Variants in LHFPL6 observed in about 807,000 individuals in gnomAD.
LHFPL6 encodes the protein LHFPL tetraspan subfamily member 6 protein.
Under a neutral mutation model 20.6 loss-of-function variants are expected in LHFPL6, and 9 were observed. That is an observed-to-expected ratio of 0.44 (90% CI 0.26 to 0.76). The LOEUF (loss-of-function observed/expected upper bound fraction) is 0.76. Ranked by LOEUF, LHFPL6 falls within the 30% of genes least tolerant of loss-of-function variation. The pLI is 0.20. For synonymous variants in LHFPL6, 105 were observed against 98.7 expected, an observed-to-expected ratio of 1.06 and a Z score of -0.38; for missense variants, 218 against 253.5, an observed-to-expected ratio of 0.86 and a Z score of 0.95.
chr13:39,558,088 C>A (rs1871362964), intron 2 of LHFPL6, among the ~76,000 whole-genome samples: 2 of 152,164 alleles, frequency 1.3e-5, no homozygotes, highest in African/African-American at 2.4e-5. Flanking sequence ...AACTACCCAG[C>A]CTTAGGCATT....
At chr13:39,516,444 T>A (rs545685298) in intron 2 of LHFPL6, among the ~76,000 whole-genome samples, 1 of 152,356 alleles carries the variant, frequency 6.6e-6, no homozygotes, top group African/African-American at 2.4e-5. Context: ...GCATCTGCCA[T>A]GCAGGAGATT....
intron 2 of LHFPL6, among the ~76,000 whole-genome samples, chr13:39,589,175 C>T (rs1872535359): frequency 6.6e-6 from 1 of 152,086 alleles, no homozygotes; most frequent in Non-Finnish European, 1.5e-5. Context: ...GGCGCCACCT[C>T]GGTTCACTGC....
At chr13:39,425,576 C>T (rs1057241986) in intron 2 of LHFPL6, among the ~76,000 whole-genome samples, 3 of 152,118 alleles carry the variant, frequency 2.0e-5, no homozygotes, top group Admixed American at 6.6e-5. Flanking sequence ...AATTCTAATA[C>T]GTGTGAAGTG....
intron 2 of LHFPL6, among the ~76,000 whole-genome samples, chr13:39,462,488 C>T (rs1405153594): frequency 6.6e-6 from 1 of 152,190 alleles, no homozygotes; most frequent in Admixed American, 6.5e-5. Flanking sequence ...TGTTTAAAGT[C>T]ATTTCCTTCT....
At chr13:39,504,481 A>G (rs1204297393) in intron 2 of LHFPL6, among the ~76,000 whole-genome samples, 1 of 152,108 alleles carries the variant, frequency 6.6e-6, no homozygotes, top group Non-Finnish European at 1.5e-5. Flanking sequence ...TTCTTTTCCC[A>G]CAGTTCTGGA....
chr13:39,371,953 G>A (rs1354213321), intron 3 of LHFPL6, among the ~76,000 whole-genome samples: 1 of 152,196 alleles, frequency 6.6e-6, no homozygotes. Context: ...AGTGCCAAAC[G>A]CTCTTACAAC....
At chr13:39,570,217 C>A (rs979317969) in intron 2 of LHFPL6, among the ~76,000 whole-genome samples, 5 of 152,196 alleles carry the variant, frequency 3.3e-5, no homozygotes, top group Non-Finnish European at 7.3e-5. Flanking sequence ...ACCATAGTCA[C>A]TGTAACCTGG....
intron 3 of LHFPL6, among the ~76,000 whole-genome samples, chr13:39,374,358 C>G (rs1420424632): frequency 6.6e-6 from 1 of 151,930 alleles, no homozygotes; most frequent in African/African-American, 2.4e-5. Flanking sequence ...ATGTGGCCAA[C>G]AATAGACACT....
chr13:39,515,295 C>T (rs555619788), intron 2 of LHFPL6, among the ~76,000 whole-genome samples: 1 of 152,338 alleles, frequency 6.6e-6, no homozygotes, highest in South Asian at 2.1e-4. Context: ...AGGTTTGCCA[C>T]TTTCCCATCA....
chr13:39,502,269 G>A (rs1301284473), intron 2 of LHFPL6, among the ~76,000 whole-genome samples: 1 of 152,170 alleles, frequency 6.6e-6, no homozygotes, highest in African/African-American at 2.4e-5. Context: ...CAAAAAATCA[G>A]TGATTCGCAA....
At chr13:39,518,474 T>C (rs1870000531) in intron 2 of LHFPL6, among the ~76,000 whole-genome samples, 1 of 152,262 alleles carries the variant, frequency 6.6e-6, no homozygotes, top group South Asian at 2.1e-4. Context: ...CTAGAGACTC[T>C]ATTTGAAATA....
chr13:39,533,508 C>A (rs1462769506), intron 2 of LHFPL6, among the ~76,000 whole-genome samples: 1 of 152,158 alleles, frequency 6.6e-6, no homozygotes, highest in Non-Finnish European at 1.5e-5. Flanking sequence ...ACCTCATTGA[C>A]CAGAACTTGG....
intron 2 of LHFPL6, among the ~76,000 whole-genome samples, chr13:39,595,615 C>T (rs189707132): frequency 1.1e-3 from 174 of 152,296 alleles, no homozygotes; most frequent in African/African-American, 3.9e-3. Context: ...TCATTCCTTC[C>T]TGGCTGGCAA....
At chr13:39,404,330 G>C (rs1235906778) in intron 2 of LHFPL6, among the ~76,000 whole-genome samples, 2 of 152,128 alleles carry the variant, frequency 1.3e-5, no homozygotes, top group Non-Finnish European at 2.9e-5. Context: ...CAACAAGCAA[G>C]CCTTCTTTCA....
chr13:39,462,927 A>C (rs1014307716), intron 2 of LHFPL6, among the ~76,000 whole-genome samples: 1 of 152,218 alleles, frequency 6.6e-6, no homozygotes, highest in African/African-American at 2.4e-5. Flanking sequence ...TAGTCAAACC[A>C]GGCTGTAATC....
intron 2 of LHFPL6, among the ~76,000 whole-genome samples, chr13:39,562,754 C>T (rs976877590): frequency 2.7e-5 from 4 of 149,668 alleles, no homozygotes; most frequent in Admixed American, 6.7e-5. Context: ...ACATGAGGAA[C>T]GGCACTTTAC....
intron 2 of LHFPL6, among the ~76,000 whole-genome samples, chr13:39,480,870 G>C (rs1319744853): frequency 2.0e-5 from 3 of 152,100 alleles, no homozygotes. Context: ...TACTACATCA[G>C]TATTTAATAT....
chr13:39,524,681 T>C (rs1440034227), intron 2 of LHFPL6, among the ~76,000 whole-genome samples: 1 of 152,172 alleles, frequency 6.6e-6, no homozygotes, highest in East Asian at 1.9e-4. Context: ...CCATGCTTGA[T>C]TGCTTTGCTC....
rs185407649 is a variant in LHFPL6, at chr13:39,548,918, G to C, written c.385+51914C>G. ...AGGTAAATATTGATAACTTAGACTT[G>C]ATCAAAATCAAAACTTCTGCTCTTT... On this transcript the variant is annotated intron_variant, in intron 2 of 3. Transcript: ENST00000379589. Among the ~76,000 whole-genome samples, 34 of 152,132 alleles carry C rather than the reference G, an allele frequency of 2.2e-4. No individual in the cohort carries two copies. The East Asian group carries it at 4.4e-3, about 20-fold the overall frequency.
Sources: gnomAD v4.1 joint callset for allele counts (sites outside exome capture counted in the v4.1 genomes callset) on GRCh38, gnomAD v4.1.1 for gene constraint, MANE v1.5 for transcripts, NCBI Gene and HGNC (gene_info 2026-07-23, HGNC 2026-07-21) for gene names.